Variants in SPAG17 observed in about 807,000 individuals in gnomAD.
The protein encoded by SPAG17 is sperm associated antigen 17.
In SPAG17, 169 loss-of-function variants were observed where a neutral mutation model predicts 273.6. The ratio of observed to expected loss-of-function variants is 0.62; its 90% CI spans 0.55 to 0.70. The LOEUF is 0.70. Among genes scored for constraint, SPAG17 ranks in the 30% least tolerant of loss-of-function variants. SPAG17 has a pLI of 0.00. For synonymous variants in SPAG17, 825 were observed against 873.2 expected, an observed-to-expected ratio of 0.94 and a Z score of 0.97; for missense variants, 2,557 against 2,627.8, an observed-to-expected ratio of 0.97 and a Z score of 0.59.
chr1:118,039,743 A>G (rs1180623366), intron 22 of SPAG17, among the ~76,000 whole-genome samples: 1 of 152,162 alleles, frequency 6.6e-6, no homozygotes, highest in East Asian at 1.9e-4. Context: ...TGCGATACAC[A>G]ATTTACCTAT....
chr1:118,031,915 G>C, intron 24 of SPAG17, 48 bp from the exon 25 acceptor site: 5 of 1,417,326 alleles, frequency 3.5e-6, no homozygotes, highest in Non-Finnish European at 4.8e-6. Flanking sequence ...ATTCATATTT[G>C]ATATCCTTGT....
intron 36 of SPAG17, among the ~76,000 whole-genome samples, chr1:117,991,808 A>G (rs138645685): frequency 1.3e-5 from 2 of 152,202 alleles, no homozygotes; most frequent in African/African-American, 2.4e-5. Flanking sequence ...AAGTGTCCTC[A>G]TCAATAAAAT....
chr1:118,024,047 G>A (rs930952938), intron 27 of SPAG17, among the ~76,000 whole-genome samples: 6 of 151,960 alleles, frequency 3.9e-5, no homozygotes, highest in African/African-American at 1.2e-4. Flanking sequence ...GAAACTTTTG[G>A]GATTGTCTAT....
chr1:118,055,273 C>T (rs1412130965), intron 19 of SPAG17, among the ~76,000 whole-genome samples: 5 of 152,096 alleles, frequency 3.3e-5, no homozygotes, highest in Non-Finnish European at 7.4e-5. Context: ...CTTTAGATTC[C>T]TACACCCAGT....
At chr1:118,145,018 T>A (rs920925644) in intron 3 of SPAG17, among the ~76,000 whole-genome samples, 1 of 152,194 alleles carries the variant, frequency 6.6e-6, no homozygotes, top group African/African-American at 2.4e-5. Context: ...TCTTCCAGAA[T>A]TTTTTTGTTT....
At chr1:117,957,990 TAGGTAGTTGAGAAGAATATATGCACAA>T (rs1175346817) in intron 48 of SPAG17, among the ~76,000 whole-genome samples, 2 of 152,222 alleles carry the variant, frequency 1.3e-5, no homozygotes, top group Non-Finnish European at 2.9e-5. Flanking sequence ...ATTCTGTTAA[TAGGTAGTTGAGAAGAATATATGCACAA>T]AGGCTTGATA....
intron 31 of SPAG17, among the ~76,000 whole-genome samples, chr1:118,006,772 C>T (rs890302003): frequency 1.3e-5 from 2 of 152,140 alleles, no homozygotes; most frequent in Admixed American, 1.3e-4. Context: ...TTTGCTAACA[C>T]TTGTGATTAT....
At chr1:117,959,361 A>C (rs891645466) in intron 48 of SPAG17, 5 of 1,613,874 alleles carry the variant, frequency 3.1e-6, no homozygotes, top group African/African-American at 2.7e-5. Context: ...AAGTGAAGTT[A>C]TGTTTTTTGC....
At chr1:117,959,021 G>A in intron 48 of SPAG17, 1 of 1,611,274 alleles carries the variant, frequency 6.2e-7, no homozygotes, top group Non-Finnish European at 8.5e-7. Flanking sequence ...TCTTTGTATA[G>A]AGATAAAATA....
intron 10 of SPAG17, among the ~76,000 whole-genome samples, chr1:118,088,061 G>C (rs1655122600): frequency 6.6e-6 from 1 of 152,158 alleles, no homozygotes; most frequent in Admixed American, 6.5e-5. Flanking sequence ...ACACCCTACT[G>C]TCAGAAGAGT....
intron 17 of SPAG17, among the ~76,000 whole-genome samples, chr1:118,070,797 T>G (rs1653498883): frequency 6.6e-6 from 1 of 152,222 alleles, no homozygotes; most frequent in Admixed American, 6.5e-5. Context: ...TCTTGGAAAT[T>G]GAGTGTGTAA....
intron 23 of SPAG17, among the ~76,000 whole-genome samples, chr1:118,038,650 C>T (rs897298279): frequency 3.3e-5 from 5 of 151,974 alleles, no homozygotes; most frequent in Non-Finnish European, 5.9e-5. Flanking sequence ...ATGCATATTA[C>T]TAAATGAAAA....
intron 3 of SPAG17, among the ~76,000 whole-genome samples, chr1:118,120,847 G>A (rs1484682847): frequency 3.0e-4 from 46 of 152,208 alleles, no homozygotes; most frequent in Middle Eastern, 3.4e-3. Context: ...TATTTAACTT[G>A]GTAGCTCACT....
chr1:118,153,975 C>G (rs1164447133), intron 1 of SPAG17, among the ~76,000 whole-genome samples: 1 of 152,156 alleles, frequency 6.6e-6, no homozygotes, highest in African/African-American at 2.4e-5. Context: ...TCCCAAGGTT[C>G]TTTCTCTCAA....
At chr1:118,110,764 T>C (rs868579719) in intron 4 of SPAG17, among the ~76,000 whole-genome samples, 2 of 152,298 alleles carry the variant, frequency 1.3e-5, no homozygotes, top group Middle Eastern at 6.8e-3. Flanking sequence ...AGCACAGCCA[T>C]TGGTCCTACA....
At chr1:118,134,225 G>A (rs1658214387) in intron 3 of SPAG17, among the ~76,000 whole-genome samples, 1 of 152,108 alleles carries the variant, frequency 6.6e-6, no homozygotes, top group Non-Finnish European at 1.5e-5. Context: ...AGGGGGAGTG[G>A]TTAAATAAAT....
intron 15 of SPAG17, among the ~76,000 whole-genome samples, chr1:118,079,977 C>T (rs578111917): frequency 2.0e-4 from 30 of 152,152 alleles, no homozygotes; most frequent in African/African-American, 5.3e-4. Flanking sequence ...ATCACTAAGA[C>T]GCTATGGTAT....
intron 4 of SPAG17, among the ~76,000 whole-genome samples, chr1:118,113,753 T>A (rs1027000469): frequency 2.0e-5 from 3 of 152,124 alleles, no homozygotes; most frequent in Non-Finnish European, 4.4e-5. Flanking sequence ...AAAGATTATT[T>A]CCATACCTTT....
chr1:117,986,339 T>G (rs1656401393), intron 40 of SPAG17, among the ~76,000 whole-genome samples: 1 of 152,204 alleles, frequency 6.6e-6, no homozygotes, highest in African/African-American at 2.4e-5. Context: ...AAATTCCTTT[T>G]TTCATTCCCA....
Sources: gnomAD v4.1 joint callset for allele counts (sites outside exome capture counted in the v4.1 genomes callset) on GRCh38, gnomAD v4.1.1 for gene constraint, MANE v1.5 for transcripts, NCBI Gene and HGNC (gene_info 2026-07-23, HGNC 2026-07-21) for gene names.